The following C10orf71 variants were observed in gnomAD, a reference collection of about 807,000 sequenced individuals.
The protein encoded by C10orf71 is cardiac-enriched FHL2-interacting protein.
For synonymous variants in C10orf71, 758 were observed against 726.3 expected, an observed-to-expected ratio of 1.04 and a Z score of -0.70; for missense variants, 1,869 against 1,804.5, an observed-to-expected ratio of 1.04 and a Z score of -0.65.
rs1423128225 is a variant in C10orf71 at position 49,326,524 on chromosome 10, G to T, written c.3979G>T (p.Ala1327Ser). Residue 1327 changes from alanine to serine, a missense_variant, in exon 3 of 3, where the codon GCC (alanine) becomes TCC (serine). By Grantham distance (99) the Ala-to-Ser change is moderately conservative (BLOSUM62 1). Coordinates refer to ENST00000374144, the MANE Select transcript of C10orf71 (RefSeq NM_001135196.2). ...CTCCCCAGAGCCGCCCCCACCGGAC[G>T]CCCTGGCCGCTCCCTATGTGCTGTA... ...GASPEPPPPDALAAPYVLYPG... is the reference protein window; with the variant it reads ...GASPEPPPPDSLAAPYVLYPG... 1 of 1,550,332 alleles carries T rather than the reference G, an allele frequency of 6.5e-7. No homozygotes were observed. Among genetic ancestry groups the T allele is most frequent in the Non-Finnish European group, 8.7e-7 (1 of 1,146,824 alleles).
chr10:49,307,577 G>A (rs544001407), intron 1 of C10orf71, among the ~76,000 whole-genome samples: 3 of 152,342 alleles, frequency 2.0e-5, no homozygotes, highest in Non-Finnish European at 2.9e-5. Context: ...TGCGAGCTCC[G>A]GAGCCTGCTG....
At position 49,325,205 on chromosome 10, in the gene C10orf71, G is replaced by A; in HGVS notation, c.2660G>A (p.Ser887Asn). The A allele has an allele frequency of 6.4e-7, 1 of 1,551,996 alleles. No homozygotes were observed. The highest frequency in any genetic ancestry group is 8.7e-7 in the Non-Finnish European group (1 of 1,147,064). The change falls in exon 3 of 3, where the codon AGT becomes AAT. Residue 887 changes from serine (S) to asparagine (N), a missense_variant. Coordinates refer to ENST00000374144, the MANE Select transcript of C10orf71 (RefSeq NM_001135196.2). ...ATGTCCTTGGAGGACTCCCTCAGCA[G>A]TGGCCACAAAGAGGAGGAATTGCCA... ...RTMSLEDSLS[S>N]GHKEEELPRP... is the part of the protein sequence containing the mutation.
At chr10:49,307,559 T>G (rs1375321142) in intron 1 of C10orf71, among the ~76,000 whole-genome samples, 1 of 152,164 alleles carries the variant, frequency 6.6e-6, no homozygotes, top group Non-Finnish European at 1.5e-5. Context: ...CTACCCAAGT[T>G]TAAGCAGTGC....
At position 49,325,916 on chromosome 10, in the gene C10orf71, AC is replaced by A. The variant is rs1208060369; in HGVS notation, c.3376del (p.Leu1126TyrfsTer38). The A allele has an allele frequency of 1.1e-4, 164 of 1,550,306 alleles. No individual in the cohort carries two copies. Among genetic ancestry groups the A allele is most frequent in the Non-Finnish European group, 1.4e-4 (163 of 1,146,290 alleles). Reference sequence around the variant, plus strand: ...GCCCTCGTGTGGGAGGGCGGCTCTGACCCCCTACTTGAGCTGTCGGCAGAAG... The same window carrying A: ...GCCCTCGTGTGGGAGGGCGGCTCTGACCCCTACTTGAGCTGTCGGCAGAAG... The part of the protein sequence containing the change: ...THALVWEGGS[D>X]PLLELSAEDL... On this transcript the variant is annotated frameshift_variant, in exon 3 of 3. Transcript: ENST00000374144. LOFTEE classifies it low-confidence loss of function (END_TRUNC).
Position 49,325,454 on chromosome 10 carries a change from T to A in C10orf71, c.2909T>A (p.Val970Glu). The A allele has an allele frequency of 6.5e-7, 1 of 1,550,012 alleles. No homozygotes were observed. Among genetic ancestry groups the A allele is most frequent in the South Asian group, 1.2e-5 (1 of 83,964 alleles). The change falls in exon 3 of 3, where the codon GTG becomes GAG. Residue 970 changes from valine to glutamate, a missense_variant. Physicochemically the swap from Val to Glu is moderately radical, Grantham distance 121 (BLOSUM62 -2). Coordinates refer to ENST00000374144, the MANE Select transcript of C10orf71 (RefSeq NM_001135196.2). ...SMPLVGEGDR[V>E]KAPPDAAPGL... Reference sequence around the variant, plus strand: ...CCTCTGGTGGGAGAGGGGGACCGGGTGAAGGCACCACCAGATGCTGCACCT... The same window carrying A: ...CCTCTGGTGGGAGAGGGGGACCGGGAGAAGGCACCACCAGATGCTGCACCT...
chr10:49,317,446 A>G (rs944774606), intron 2 of C10orf71, among the ~76,000 whole-genome samples: 4 of 152,166 alleles, frequency 2.6e-5, no homozygotes, highest in Non-Finnish European at 5.9e-5. Context: ...CGTAACTCTC[A>G]TTACCTCAGA....
chr10:49,313,876 C>G (rs973768182), intron 1 of C10orf71, among the ~76,000 whole-genome samples: 1 of 152,114 alleles, frequency 6.6e-6, no homozygotes, highest in African/African-American at 2.4e-5. Flanking sequence ...AGGCAAATGG[C>G]CTGGCCTGGA....
intron 2 of C10orf71, among the ~76,000 whole-genome samples, chr10:49,317,703 T>C (rs1198055384): frequency 1.3e-5 from 2 of 152,018 alleles, no homozygotes; most frequent in African/African-American, 2.4e-5. Flanking sequence ...ATAGAAAAAT[T>C]AGCCAGGTAT....
chr10:49,316,728 G>T (rs1416732772), intron 2 of C10orf71, among the ~76,000 whole-genome samples: 1 of 152,202 alleles, frequency 6.6e-6, no homozygotes, highest in Non-Finnish European at 1.5e-5. Flanking sequence ...CAGCAAGGAA[G>T]CCTGAGCACA....
At chr10:49,319,240 A>G (rs1385271252) in intron 2 of C10orf71, among the ~76,000 whole-genome samples, 4 of 152,314 alleles carry the variant, frequency 2.6e-5, no homozygotes, top group African/African-American at 9.6e-5. Flanking sequence ...TATGTGTGCC[A>G]GGGGAAGCCG....
In C10orf71 at chr10:49,324,100, C is replaced by G. The variant is rs755143970; in HGVS notation, c.1555C>G (p.Leu519Val). 1 of 1,614,004 alleles carries G rather than the reference C, an allele frequency of 6.2e-7. No homozygotes were observed. Among genetic ancestry groups the G allele is most frequent in the Non-Finnish European group, 8.5e-7 (1 of 1,179,906 alleles). ...TAAGAGCACATACAGTTCCTCACCT[C>G]TCTTGAAAGTGCTTGATGAGAAAAC... ...RVKSTYSSSPLLKVLDEKTRG... is the reference protein window; with the variant it reads ...RVKSTYSSSPVLKVLDEKTRG... The change falls in exon 3 of 3, where the codon CTC (leucine) becomes GTC (valine). Residue 519 changes from leucine to valine, a missense_variant. Coordinates refer to ENST00000374144, the MANE Select transcript of C10orf71 (RefSeq NM_001135196.2).
In C10orf71 at chr10:49,321,746, A is replaced by G. The variant is rs144492807; in HGVS notation, c.-144-656A>G. ...TTCTTTCTTTGATAATAGCCATCCT[A>G]ACAGGCATGATGTGATATGTCATTG... is the stretch of plus-strand genomic sequence containing the variant. On this transcript the variant is annotated intron_variant, in intron 2 of 2. Coordinates refer to ENST00000374144, the MANE Select transcript of C10orf71 (RefSeq NM_001135196.2). Among the ~76,000 whole-genome samples, 45 of 152,316 alleles carry G rather than the reference A, an allele frequency of 3.0e-4. 1 individual carries two copies. In the East Asian group the frequency reaches 7.7e-3, roughly 26 times the overall value.
rs1455873551 is a variant in C10orf71, at chr10:49,326,148, T to C, written c.3603T>C (p.His1201=). 2 of 1,551,572 alleles carry C rather than the reference T, an allele frequency of 1.3e-6. No individual in the cohort carries two copies. Among genetic ancestry groups the C allele is most frequent in the South Asian group, 1.2e-5 (1 of 84,058 alleles). The change falls in exon 3 of 3, where the codon CAT becomes CAC. Residue 1201 remains histidine, a synonymous_variant. Coordinates refer to ENST00000374144, the MANE Select transcript of C10orf71 (RefSeq NM_001135196.2). Reference sequence around the variant, plus strand: ...AGACGGATCAGGCTCAGGAGAAGCATGGCGAGTCACAGGAGGGAAAGCCCT... The same window carrying C: ...AGACGGATCAGGCTCAGGAGAAGCACGGCGAGTCACAGGAGGGAAAGCCCT... ...RRKTDQAQEK[H]GESQEGKPCP...
chr10:49,307,450 G>A (rs1848834084), intron 1 of C10orf71, among the ~76,000 whole-genome samples: 1 of 152,358 alleles, frequency 6.6e-6, no homozygotes, highest in African/African-American at 2.4e-5. Context: ...GGAGTTCCAA[G>A]GAGTGATCCT....
chr10:49,314,061 G>A (rs1366326108), intron 1 of C10orf71, among the ~76,000 whole-genome samples: 1 of 152,178 alleles, frequency 6.6e-6, no homozygotes, highest in Non-Finnish European at 1.5e-5. Flanking sequence ...AAAGGTCAAA[G>A]TGAAAGAGTA....
chr10:49,310,501 T>G (rs945788310), intron 1 of C10orf71, among the ~76,000 whole-genome samples: 1 of 152,192 alleles, frequency 6.6e-6, no homozygotes, highest in Non-Finnish European at 1.5e-5. Flanking sequence ...CTTCCCTGTC[T>G]TTACATGCTG....
rs533640248 is a variant in C10orf71, at chr10:49,326,997, T to A, written c.*144T>A. The stretch of plus-strand genomic sequence containing the variant: ...CACATACTTAGCCTTTTTAGATCCA[T>A]AAAGTCCAGAAGGCAGTAGGGATCC... On this transcript the variant is annotated 3_prime_UTR_variant, in exon 3 of 3. Transcript: ENST00000374144. 13 of 1,583,968 alleles carry A rather than the reference T, an allele frequency of 8.2e-6. No individual in the cohort carries two copies. In the Admixed American group the frequency reaches 1.7e-4, roughly 21 times the overall value.
rs111281265 is a variant in C10orf71, at chr10:49,322,403, GA to G, written c.-132del. 88,653 of 791,306 alleles carry G rather than the reference GA, an allele frequency of 0.11. 1,865 individuals carry two copies. Among genetic ancestry groups the G allele is most frequent in the Middle Eastern group, 0.12 (260 of 2,130 alleles). The allele number at this position is 791,306 out of a possible 1,614,324, so 49.0% of individuals were successfully genotyped here. Reference sequence around the variant, plus strand: ...GCCCTGCACCTTTTTCTTTTGCAGAGAAAAAAAAAAATCCCCACTTTGCAAT... The same window carrying G: ...GCCCTGCACCTTTTTCTTTTGCAGAGAAAAAAAAAATCCCCACTTTGCAAT... On this transcript the variant is annotated splice_region_variant and 5_prime_UTR_variant, in exon 3 of 3. Transcript: ENST00000374144.
chr10:49,310,389 C>A (rs144567177), intron 1 of C10orf71, among the ~76,000 whole-genome samples: 2 of 152,302 alleles, frequency 1.3e-5, no homozygotes, highest in East Asian at 3.9e-4. Flanking sequence ...TCCCAGGACA[C>A]GCCTAAGGAA....
Sources: allele counts gnomAD v4.1 joint callset (sites outside exome capture counted in the v4.1 genomes callset), GRCh38; gene constraint gnomAD v4.1.1; transcripts MANE v1.5; gene names NCBI Gene and HGNC (gene_info 2026-07-23, HGNC 2026-07-21).